The following SDF4 variants were observed in gnomAD, a reference collection of about 807,000 sequenced individuals.
The protein encoded by SDF4 is stromal cell derived factor 4.
In SDF4, 22 loss-of-function variants were observed where a neutral mutation model predicts 34.2. That is an observed-to-expected ratio of 0.64 (90% CI 0.46 to 0.92). SDF4 has a LOEUF of 0.92. Ranked by LOEUF, SDF4 falls within the 40% of genes least tolerant of loss-of-function variation. The pLI, the probability that SDF4 is intolerant of heterozygous loss-of-function variation, is 0.00. For synonymous variants in SDF4, 236 were observed against 203.1 expected, an observed-to-expected ratio of 1.16 and a Z score of -1.38; for missense variants, 447 against 499.9, an observed-to-expected ratio of 0.89 and a Z score of 1.01.
chr1:1,223,282 G>A lies in SDF4; in HGVS notation c.518C>T (p.Ala173Val). The A allele has an allele frequency of 6.2e-7, 1 of 1,614,084 alleles. No individual in the cohort carries two copies. The highest frequency in any genetic ancestry group is 8.5e-7 in the Non-Finnish European group (1 of 1,180,000). ...KGHSEKEVADAIRLNEELKVD... is the reference protein window; with the variant it reads ...KGHSEKEVADVIRLNEELKVD... ...TTTGAGTTCCTCGTTGAGCCTGATGGCGTCGGCAACCTCCTTCTCGCTATG... is the reference window on the plus strand; with the variant it reads ...TTTGAGTTCCTCGTTGAGCCTGATGACGTCGGCAACCTCCTTCTCGCTATG... Residue 173 changes from alanine to valine, a missense_variant, in exon 4 of 7, where the codon GCC becomes GTC. Ala to Val is a moderately conservative substitution (Grantham distance 64, BLOSUM62 0). Coordinates refer to ENST00000360001, the MANE Select transcript of SDF4 (RefSeq NM_016176.6).
intron 4 of SDF4, chr1:1,219,225 C>T (rs1246575331): frequency 1.6e-6 from 2 of 1,237,128 alleles, no homozygotes; most frequent in Non-Finnish European, 2.1e-6. Flanking sequence ...CCCAGACCCC[C>T]AATACATGGA....
rs2100964571 is a variant in SDF4, at chr1:1,217,756, A to G, written c.892-68T>C. 1 of 1,607,054 alleles carries G rather than the reference A, an allele frequency of 6.2e-7. No individual in the cohort carries two copies. The highest frequency in any genetic ancestry group is 8.5e-7 in the Non-Finnish European group (1 of 1,177,746). ...CCGAGCTCCGCGGCCAGCCGCACGA[A>G]GTGGCTATTTAAGGTGCCTATTGGC... On this transcript the variant is annotated intron_variant, in intron 6 of 6. Coordinates refer to ENST00000360001, the MANE Select transcript of SDF4 (RefSeq NM_016176.6). This position sits in a 1 kb window ranked among gnomAD's most constrained non-coding sequence, Gnocchi z 8.5.
At chr1:1,224,978 G>A (rs574552327) in intron 2 of SDF4, among the ~76,000 whole-genome samples, 1 of 152,340 alleles carries the variant, frequency 6.6e-6, no homozygotes, top group African/African-American at 2.4e-5. Context: ...AAGACCGTGT[G>A]GGGACTTAAC....
In SDF4 at chr1:1,217,863, G is replaced by A; in HGVS notation, c.892-175C>T. The A allele has an allele frequency of 6.8e-7, 1 of 1,480,778 alleles. No homozygotes were observed. The allele number at this position is 1,480,778 out of a possible 1,614,324, so 91.7% of individuals were successfully genotyped here. ...AAAACACAGGGCAGGGAGAAGCCGGGGGCCCCGGAAGGCCTGCCCGGGGCC... is the reference window on the plus strand; with the variant it reads ...AAAACACAGGGCAGGGAGAAGCCGGAGGCCCCGGAAGGCCTGCCCGGGGCC... On this transcript the variant is annotated intron_variant, in intron 6 of 6. Transcript: ENST00000360001. The surrounding 1 kb of genome is among the most constrained non-coding windows in gnomAD (Gnocchi z 8.5).
chr1:1,218,111 G>A lies in SDF4; in HGVS notation c.891+347C>T, dbSNP rs985965996. Among the ~76,000 whole-genome samples, 19 of 152,216 alleles carry A rather than the reference G, an allele frequency of 1.2e-4. No individual in the cohort carries two copies. The highest frequency in any genetic ancestry group is 2.9e-4 in the African/African-American group (12 of 41,462). ...CCAGCCATGTGGCACAGGCCGCCCC[G>A]CCCACCTGCACCTGCTGGGCCTTGG... On this transcript the variant is annotated intron_variant, in intron 6 of 6. Coordinates refer to ENST00000360001, the MANE Select transcript of SDF4 (RefSeq NM_016176.6). This position sits in a 1 kb window ranked among gnomAD's most constrained non-coding sequence, Gnocchi z 7.9.
Position 1,226,669 on chromosome 1 carries a change from G to A in SDF4, c.305+1799C>T, listed in dbSNP as rs557497009. Among the ~76,000 whole-genome samples the A allele has an allele frequency of 3.5e-3, 539 of 152,314 alleles. 5 individuals carry two copies. The highest frequency in any genetic ancestry group is 0.012 in the African/African-American group (510 of 41,560). ...ACAGCGGCCGCTGTCGCCGCTCGGC[G>A]CAGGAGTCAGGGAGACCCGGAGACC... On this transcript the variant is annotated intron_variant, in intron 2 of 6. Transcript: ENST00000360001.
chr1:1,228,392 G>A (rs1217991085), intron 2 of SDF4, 76 bp downstream of exon 2: 13 of 1,454,040 alleles, frequency 8.9e-6, no homozygotes, highest in South Asian at 2.8e-5. Flanking sequence ...GCCCCCCACC[G>A]CGCAAAGCCA....
At position 1,228,965 on chromosome 1, in the gene SDF4, A is replaced by G; in HGVS notation, c.-174-19T>C. ...TCACAGTCTGCAGAGAGACACAGAC[A>G]CATCATTAGCAAGACTCAGCAAAGA... is the stretch of plus-strand genomic sequence containing the variant. On this transcript the variant is annotated intron_variant, in intron 1 of 6. Coordinates refer to ENST00000360001, the MANE Select transcript of SDF4 (RefSeq NM_016176.6). The G allele has an allele frequency of 1.7e-6, 1 of 595,098 alleles. No individual in the cohort carries two copies. The highest frequency in any genetic ancestry group is 3.0e-6 in the Non-Finnish European group (1 of 334,840). The allele number at this position is 595,098 out of a possible 1,614,324, so 36.9% of individuals were successfully genotyped here.
rs563080650 is a variant in SDF4, at chr1:1,220,825, A to G, written c.557-1898T>C. The G allele has an allele frequency of 3.5e-6, 4 of 1,140,792 alleles. No individual in the cohort carries two copies. The Admixed American group carries it at 9.2e-5, about 26-fold the overall frequency. 70.7% of individuals were successfully genotyped at this position (1,140,792 alleles called of 1,614,324 possible). ...ACGGGCAAGGCCTCCTGCCCCAAGC[A>G]CATCGCCAACAGGCCGGACCAACGG... On this transcript the variant is annotated intron_variant, in intron 4 of 6. Transcript: ENST00000360001.
intron 4 of SDF4, chr1:1,220,778 C>T (rs1312982647): frequency 7.8e-7 from 1 of 1,288,114 alleles, no homozygotes; most frequent in Admixed American, 2.3e-5. Flanking sequence ...AAGACAGACA[C>T]AATCAGAGTT....
At position 1,217,294 on chromosome 1, in the gene SDF4, C is replaced by T. The variant is rs1005980318; in HGVS notation, c.*218G>A. On this transcript the variant is annotated 3_prime_UTR_variant, in exon 7 of 7. Coordinates refer to ENST00000360001, the MANE Select transcript of SDF4 (RefSeq NM_016176.6). The surrounding 1 kb of genome is among the most constrained non-coding windows in gnomAD (Gnocchi z 8.5). ...GGGAGGAGGCGGCGCCGCGGGGCCA[C>T]AGCCCAGCCCCGCGCCCCGACCGCG... The T allele has an allele frequency of 1.2e-4, 28 of 224,126 alleles. No individual in the cohort carries two copies. Among genetic ancestry groups the T allele is most frequent in the African/African-American group, 5.4e-4 (23 of 42,820 alleles). The allele number at this position is 224,126 out of a possible 1,614,324, so 13.9% of individuals were successfully genotyped here.
chr1:1,224,920 G>A (rs992784697), intron 2 of SDF4, among the ~76,000 whole-genome samples: 1 of 152,178 alleles, frequency 6.6e-6, no homozygotes, highest in Non-Finnish European at 1.5e-5. Context: ...CTCAAAACAA[G>A]ACAAAACAAA....
chr1:1,229,655 T>C, intron 1 of SDF4, among the ~76,000 whole-genome samples: 1 of 152,208 alleles, frequency 6.6e-6, no homozygotes, highest in East Asian at 1.9e-4. Context: ...GCTCTGTCCC[T>C]CCTGGCATCA....
intron 4 of SDF4, chr1:1,220,489 A>G (rs1649878630): frequency 8.3e-7 from 1 of 1,197,656 alleles, no homozygotes; most frequent in Non-Finnish European, 1.1e-6. Context: ...CTCCTCCAGG[A>G]CCCGGCAGCT....
chr1:1,221,440 G>C (rs989765077), intron 4 of SDF4: 2 of 152,442 alleles, frequency 1.3e-5, no homozygotes, highest in African/African-American at 4.8e-5. Context: ...GCACACACTG[G>C]TGGTCCCAGT....
At chr1:1,222,036 G>A (rs1020834603) in intron 4 of SDF4, among the ~76,000 whole-genome samples, 3 of 152,204 alleles carry the variant, frequency 2.0e-5, no homozygotes, top group Non-Finnish European at 4.4e-5. Context: ...AAAAAATAAA[G>A]GTGTAAGATA....
chr1:1,229,295 G>A (rs1638419273), intron 1 of SDF4, among the ~76,000 whole-genome samples: 1 of 152,200 alleles, frequency 6.6e-6, no homozygotes, highest in Non-Finnish European at 1.5e-5. Flanking sequence ...CTCAGGTGAT[G>A]CTCTGGGCTC....
At position 1,218,467 on chromosome 1, in the gene SDF4, C is replaced by T; in HGVS notation, c.882G>A (p.Glu294=). 1 of 1,611,724 alleles carries T rather than the reference C, an allele frequency of 6.2e-7. No homozygotes were observed. Among genetic ancestry groups the T allele is most frequent in the Non-Finnish European group, 8.5e-7 (1 of 1,179,836 alleles). ...DSNHDGIVTA[E]ELESYMDPMN... is the part of the protein sequence containing the mutation. ...CTGCGCCAGGGCTCACCTCCAGCTC[C>T]TCGGCGGTCACGATGCCGTCGTGGT... Residue 294 remains glutamate (E), a synonymous_variant, in exon 6 of 7, where the codon GAG becomes GAA. Coordinates refer to ENST00000360001, the MANE Select transcript of SDF4 (RefSeq NM_016176.6). The surrounding 1 kb of genome is among the most constrained non-coding windows in gnomAD (Gnocchi z 7.9).
chr1:1,219,363 A>G, intron 4 of SDF4: 1 of 1,070,562 alleles, frequency 9.3e-7, no homozygotes. Context: ...GACACAGCTC[A>G]GAGCCCCTCA....
Sources: gnomAD v4.1 joint callset for allele counts (sites outside exome capture counted in the v4.1 genomes callset) on GRCh38, gnomAD v4.1.1 for gene constraint, Gnocchi (gnomAD v3.1) non-coding constraint, MANE v1.5 for transcripts, NCBI Gene and HGNC (gene_info 2026-07-23, HGNC 2026-07-21) for gene names.